Variants in IRAK1 observed in about 807,000 individuals in gnomAD.
IRAK1 encodes interleukin 1 receptor associated kinase 1.
Under a neutral mutation model 49.8 loss-of-function variants are expected in IRAK1, and 9 were observed. That is an observed-to-expected ratio of 0.18 (90% CI 0.11 to 0.32). The LOEUF (loss-of-function observed/expected upper bound fraction) is 0.32. Ranked by LOEUF, IRAK1 falls within the 10% of genes least tolerant of loss-of-function variation. The pLI is 1.00. For missense variants in IRAK1, 418 were observed against 600.5 expected (o/e 0.70, Z 3.18); for synonymous variants, 282 against 270.8 (o/e 1.04, Z -0.41).
At position 154,011,647 on chromosome X, in the gene IRAK1, C is replaced by T; in HGVS notation, c.*212G>A. 2 of 495,145 alleles carry T rather than the reference C, an allele frequency of 4.0e-6. No homozygotes were observed. The highest frequency in any genetic ancestry group is 2.7e-5 in the Admixed American group (1 of 36,830). 40.8% of individuals were successfully genotyped at this position (495,145 alleles called of 1,213,427 possible). On this transcript the variant is annotated 3_prime_UTR_variant, in exon 14 of 14. Coordinates refer to ENST00000369980, the MANE Select transcript of IRAK1 (RefSeq NM_001569.4). Reference sequence around the variant, plus strand: ...TCCTCACTGGATGATGCCAGCCTTCCTTGCCCCCAGATGCTGGCATGGAGG... The same window carrying T: ...TCCTCACTGGATGATGCCAGCCTTCTTTGCCCCCAGATGCTGGCATGGAGG...
intron 10 of IRAK1, 123 bp downstream of exon 10, chrX:154,015,909 G>T: frequency 1.7e-6 from 1 of 588,146 alleles, no homozygotes; most frequent in South Asian, 2.4e-5. Flanking sequence ...TTTCAAAAAT[G>T]AGGCCACTGT....
intron 10 of IRAK1, among the ~76,000 whole-genome samples, chrX:154,015,001 G>A (rs11465838): frequency 1.2e-3 from 138 of 111,238 alleles, no homozygotes; most frequent in African/African-American, 4.1e-3. Flanking sequence ...GCAGAGAGGC[G>A]CCCCCAGGGT....
intron 2 of IRAK1, 23 bp downstream of exon 2, chrX:154,019,408 G>C (rs782034939): frequency 9.0e-7 from 1 of 1,107,807 alleles, no homozygotes; most frequent in Admixed American, 2.6e-5. Flanking sequence ...CCAGCCGTGG[G>C]GTGCCCGGAG....
chrX:154,013,787 G>A (rs1197140715), intron 11 of IRAK1, among the ~76,000 whole-genome samples: 1 of 112,903 alleles, frequency 8.9e-6, no homozygotes, highest in African/African-American at 3.2e-5. Context: ...AGTGCAGTGC[G>A]CCCAGCAGGG....
At chrX:154,013,860 C>T (rs989646560) in intron 11 of IRAK1, among the ~76,000 whole-genome samples, 182 bp downstream of exon 11, 2 of 112,310 alleles carry the variant, frequency 1.8e-5, no homozygotes, top group African/African-American at 6.5e-5. Flanking sequence ...CTCCGCAAAG[C>T]AGGACTGCCC....
intron 13 of IRAK1, 41 bp from the exon 14 acceptor site, chrX:154,011,958 G>T (rs782316309): frequency 8.9e-7 from 1 of 1,122,716 alleles, no homozygotes; most frequent in Non-Finnish European, 1.2e-6. Flanking sequence ...AAATGGGGGA[G>T]GCTCCCCTAC....
chrX:154,014,577 T>C (rs1302344350), intron 10 of IRAK1, among the ~76,000 whole-genome samples: 5 of 110,409 alleles, frequency 4.5e-5, no homozygotes, highest in African/African-American at 1.3e-4. Flanking sequence ...TGGAGTGCAG[T>C]GGTGCAATCA....
At chrX:154,016,893 CG>C in intron 8 of IRAK1, 55 bp downstream of exon 8, 5 of 925,650 alleles carry the variant, frequency 5.4e-6, no homozygotes, top group Non-Finnish European at 7.9e-6. Flanking sequence ...TGATAGGACG[CG>C]GGGCCCCCCT....
chrX:154,011,436 G>A lies in IRAK1; in HGVS notation c.*423C>T, dbSNP rs1014887397. ...AGGTAGGAGGGCCCTAGGCCTCGTC[G>A]GCCCCATTGTGCAGGGTGGCCACTG... On this transcript the variant is annotated 3_prime_UTR_variant, in exon 14 of 14. Transcript: ENST00000369980. 19 of 257,098 alleles carry A rather than the reference G, an allele frequency of 7.4e-5. No individual in the cohort carries two copies. Among genetic ancestry groups the A allele is most frequent in the African/African-American group, 4.5e-4 (16 of 35,502 alleles). The allele number at this position is 257,098 out of a possible 1,213,427, so 21.2% of individuals were successfully genotyped here.
Position 154,018,033 on chromosome X carries a change from G to T in IRAK1, c.882C>A (p.Gly294=), listed in dbSNP as rs782400706. Residue 294 remains glycine, a synonymous_variant, in exon 7 of 14, where the codon GGC becomes GGA. Coordinates refer to ENST00000369980, the MANE Select transcript of IRAK1 (RefSeq NM_001569.4). ...GGCAGTGGAGACGGTCCTCCAGGGA[G>T]CCGTTGGGCAGGAAGCCGTACACCA... The part of the protein sequence containing the change: ...YCLVYGFLPN[G]SLEDRLHCQT... 1 of 1,208,576 alleles carries T rather than the reference G, an allele frequency of 8.3e-7. No individual in the cohort carries two copies. Among genetic ancestry groups the T allele is most frequent in the South Asian group, 1.8e-5 (1 of 56,979 alleles).
chrX:154,012,295 T>C (rs1458335455), intron 13 of IRAK1, among the ~76,000 whole-genome samples: 1 of 111,730 alleles, frequency 9.0e-6, no homozygotes, highest in African/African-American at 3.3e-5. Flanking sequence ...AAGCACAGAG[T>C]GGGGCAGGCA....
chrX:154,015,751 T>C (rs1302168642), intron 10 of IRAK1, among the ~76,000 whole-genome samples: 1 of 112,141 alleles, frequency 8.9e-6, no homozygotes, highest in Non-Finnish European at 1.9e-5. Flanking sequence ...GTCCTCTGAG[T>C]TCCACTGCAG....
intron 11 of IRAK1, 131 bp downstream of exon 11, chrX:154,013,911 C>G: frequency 4.2e-6 from 4 of 953,509 alleles, no homozygotes; most frequent in Non-Finnish European, 5.7e-6. Flanking sequence ...CAAACAGAAC[C>G]AAAGGGCAAG....
chrX:154,019,300 TG>T lies in IRAK1; in HGVS notation c.332del (p.Pro111GlnfsTer120). 8.5e-7 allele frequency: 1 copy of T among 1,174,674 alleles called. No individual in the cohort carries two copies. The highest frequency in any genetic ancestry group is 1.1e-6 in the Non-Finnish European group (1 of 876,190). ...AWHPPAPLPS[P>X]GTTAPRPSSI... is the part of the protein sequence containing the mutation. The stretch of plus-strand genomic sequence containing the variant: ...TGCTGGGCCTCGGGGCAGTGGTGCC[TG>T]GGGACGGAAGCGGGGCGGGAGGGTG... On this transcript the variant is annotated frameshift_variant, in exon 3 of 14. Coordinates refer to ENST00000369980, the MANE Select transcript of IRAK1 (RefSeq NM_001569.4). LOFTEE classifies it high-confidence loss of function.
intron 10 of IRAK1, among the ~76,000 whole-genome samples, chrX:154,014,950 GCCCCACAGACAAAGAGGTA>G (rs2148639848): frequency 9.0e-6 from 1 of 111,115 alleles, no homozygotes; most frequent in Non-Finnish European, 1.9e-5. Context: ...ACAGAGAGGT[GCCCCACAGACAAAGAGGTA>G]CCCCAGAGAG....
intron 7 of IRAK1, among the ~76,000 whole-genome samples, chrX:154,017,496 A>G (rs1557129655): frequency 8.9e-6 from 1 of 112,182 alleles, no homozygotes; most frequent in East Asian, 2.8e-4. Context: ...AAAGAGCTCT[A>G]TAGAAAACAT....
At chrX:154,018,242 G>A in intron 6 of IRAK1, 49 bp downstream of exon 6, 9 of 1,070,002 alleles carry the variant, frequency 8.4e-6, no homozygotes, top group African/African-American at 3.7e-5. Flanking sequence ...CCTGTGGTGT[G>A]CGGTCTGAAG....
chrX:154,018,989 G>C lies in IRAK1; in HGVS notation c.526C>G (p.Pro176Ala), dbSNP rs782643146. The change falls in exon 4 of 14, where the codon CCT becomes GCT. Residue 176 changes from proline to alanine, a missense_variant. Coordinates refer to ENST00000369980, the MANE Select transcript of IRAK1 (RefSeq NM_001569.4). Reference sequence around the variant, plus strand: ...GGGACACCTACCTTGGTAGAAGAAGGGGCTGGAGATGGCGGTGGAGGCCAC... The same window carrying C: ...GGGACACCTACCTTGGTAGAAGAAGCGGCTGGAGATGGCGGTGGAGGCCAC... ...SLWPPPPSPA[P>A]SSTKPGPESS... 8.3e-6 allele frequency: 10 copies of C among 1,199,352 alleles called. No individual in the cohort carries two copies.
intron 2 of IRAK1, 41 bp from the exon 3 acceptor site, chrX:154,019,369 G>T (rs376563497): frequency 1.7e-5 from 19 of 1,139,104 alleles, no homozygotes; most frequent in East Asian, 1.2e-4. Flanking sequence ...AGGCCCGGGT[G>T]GGGGAGCCCC....
Sources: allele counts gnomAD v4.1 joint callset (sites outside exome capture counted in the v4.1 genomes callset), GRCh38; gene constraint gnomAD v4.1.1; transcripts MANE v1.5; gene names NCBI Gene and HGNC (gene_info 2026-07-23, HGNC 2026-07-21).